Variants in SLC38A1 observed in about 807,000 individuals in gnomAD.
SLC38A1 encodes solute carrier family 38 member 1.
A neutral mutation model predicts 60.3 loss-of-function variants in SLC38A1; 18 were observed. The observed-to-expected ratio is 0.30, with a 90% CI of 0.21 to 0.44. The LOEUF is 0.44. Ranked by LOEUF, SLC38A1 falls within the 20% of genes least tolerant of loss-of-function variation. SLC38A1 has a pLI of 1.00. For synonymous variants in SLC38A1, 196 were observed against 212.1 expected (o/e 0.92, Z 0.66); for missense variants, 448 against 587.2 (o/e 0.76, Z 2.45).
chr12:46,250,037 AAG>A (rs1941779018), intron 1 of SLC38A1, among the ~76,000 whole-genome samples: 1 of 152,202 alleles, frequency 6.6e-6, no homozygotes, highest in South Asian at 2.1e-4. Flanking sequence ...ACAACAAAAA[AAG>A]AGAATTTTAG....
intron 5 of SLC38A1, among the ~76,000 whole-genome samples, chr12:46,219,315 G>T (rs778522613): frequency 1.3e-5 from 2 of 152,196 alleles, no homozygotes; most frequent in Non-Finnish European, 2.9e-5. Flanking sequence ...TGCAAAGGCA[G>T]TTTCAGTTTC....
intron 2 of SLC38A1, 108 bp from the exon 3 acceptor site, chr12:46,240,001 C>T (rs1941392174): frequency 1.9e-6 from 1 of 536,386 alleles, no homozygotes. Context: ...TACAATTTTA[C>T]ATGTTGCTAC....
chr12:46,207,396 G>T, intron 7 of SLC38A1, 133 bp downstream of exon 7: 1 of 1,058,794 alleles, frequency 9.4e-7, no homozygotes, highest in Non-Finnish European at 1.4e-6. Context: ...AGTGACTGCT[G>T]TCTCTGCTTT....
chr12:46,199,722 C>T (rs141968354), intron 13 of SLC38A1, among the ~76,000 whole-genome samples: 120 of 152,162 alleles, frequency 7.9e-4, no homozygotes, highest in African/African-American at 2.8e-3. Context: ...CAAAGACTAA[C>T]AAAGCTAGAA....
intron 5 of SLC38A1, among the ~76,000 whole-genome samples, chr12:46,216,352 G>A (rs1044031238): frequency 2.0e-5 from 3 of 152,196 alleles, no homozygotes; most frequent in Admixed American, 1.3e-4. Flanking sequence ...TAGTGTCGCC[G>A]TGTCTGTGTG....
intron 1 of SLC38A1, among the ~76,000 whole-genome samples, chr12:46,253,093 T>C (rs1003556251): frequency 1.3e-5 from 2 of 151,376 alleles, no homozygotes; most frequent in Admixed American, 6.6e-5. Context: ...GGTCAAAGGA[T>C]ATGAAGTTGC....
chr12:46,224,231 C>T (rs1592111412), intron 5 of SLC38A1, among the ~76,000 whole-genome samples: 1 of 152,140 alleles, frequency 6.6e-6, no homozygotes, highest in South Asian at 2.1e-4. Context: ...TGACTTGCAG[C>T]CTCAGGGTCC....
At chr12:46,191,741 G>A (rs183150426) in intron 16 of SLC38A1, among the ~76,000 whole-genome samples, 1 of 152,144 alleles carries the variant, frequency 6.6e-6, no homozygotes, top group African/African-American at 2.4e-5. Flanking sequence ...TCTATTATTG[G>A]TGTATAGGAA....
At chr12:46,219,545 A>G (rs1940566199) in intron 5 of SLC38A1, among the ~76,000 whole-genome samples, 1 of 152,206 alleles carries the variant, frequency 6.6e-6, no homozygotes, top group African/African-American at 2.4e-5. Flanking sequence ...CATGTGCCTG[A>G]CATAAGGTAA....
At chr12:46,197,229 C>A (rs532019543) in intron 16 of SLC38A1, 1 of 154,684 alleles carries the variant, frequency 6.5e-6, no homozygotes, top group African/African-American at 2.4e-5. Flanking sequence ...ATGGCTCATG[C>A]CTGTAATCCC....
intron 13 of SLC38A1, among the ~76,000 whole-genome samples, chr12:46,200,491 CT>C (rs1208396895): frequency 1.3e-5 from 2 of 151,788 alleles, no homozygotes; most frequent in Non-Finnish European, 1.5e-5. Flanking sequence ...TTAAATCAAG[CT>C]TCAGGATAAT....
In SLC38A1 at chr12:46,243,294, C is replaced by A. The variant is rs1049060559; in HGVS notation, c.-188G>T. Reference sequence around the variant, plus strand: ...GCACATAGATATAGTGCCTGGCACACAGTAGACACTCAATAAATATCTGTC... The same window carrying A: ...GCACATAGATATAGTGCCTGGCACAAAGTAGACACTCAATAAATATCTGTC... On this transcript the variant is annotated 5_prime_UTR_variant, in exon 2 of 17. Transcript: ENST00000398637. The A allele has an allele frequency of 5.9e-5, 9 of 151,966 alleles. No homozygotes were observed. The East Asian group carries it at 1.7e-3, about 29-fold the overall frequency. 9.4% of individuals were successfully genotyped at this position (151,966 alleles called of 1,614,324 possible). A position where few individuals can be genotyped will look rare whatever the true frequency, so the allele number is the denominator to read the frequency against.
chr12:46,193,086 T>C (rs905726360), intron 16 of SLC38A1, among the ~76,000 whole-genome samples: 1 of 152,236 alleles, frequency 6.6e-6, no homozygotes, highest in African/African-American at 2.4e-5. Context: ...TAAATTTCCC[T>C]GTACACACTG....
chr12:46,197,225 C>T (rs1397577298), intron 16 of SLC38A1, among the ~76,000 whole-genome samples: 1 of 152,152 alleles, frequency 6.6e-6, no homozygotes, highest in African/African-American at 2.4e-5. Flanking sequence ...CGCGATGGCT[C>T]ATGCCTGTAA....
At chr12:46,227,612 C>A (rs1177002994) in intron 5 of SLC38A1, among the ~76,000 whole-genome samples, 1 of 152,100 alleles carries the variant, frequency 6.6e-6, no homozygotes, top group Non-Finnish European at 1.5e-5. Flanking sequence ...ACTTTTTACA[C>A]TAGGTTAATT....
chr12:46,252,996 G>T (rs200535242), intron 1 of SLC38A1, among the ~76,000 whole-genome samples: 2 of 107,202 alleles, frequency 1.9e-5, no homozygotes, highest in African/African-American at 3.6e-5. Context: ...ATCTTTTTTT[G>T]AAAAAAAAAA....
chr12:46,214,083 T>G (rs1282271720), intron 5 of SLC38A1, among the ~76,000 whole-genome samples: 1 of 152,276 alleles, frequency 6.6e-6, no homozygotes, highest in African/African-American at 2.4e-5. Context: ...CAGAGTAATC[T>G]TTTCTGCAGT....
rs142904603 is a variant in SLC38A1 at position 46,191,881 on chromosome 12, G to A, written c.1363-2810C>T. 1.4e-3 allele frequency among the ~76,000 whole-genome samples: 218 copies of A among 152,288 alleles called. 3 individuals carry two copies. The highest frequency in any genetic ancestry group is 5.0e-3 in the African/African-American group (207 of 41,576). ...CAATCAGGGATCATCTGCAAACAGAGACAATTTGACTTCCTCCTCTCCTAA... is the reference window on the plus strand; with the variant it reads ...CAATCAGGGATCATCTGCAAACAGAAACAATTTGACTTCCTCCTCTCCTAA... On this transcript the variant is annotated intron_variant, in intron 16 of 16. Coordinates refer to ENST00000398637, the MANE Select transcript of SLC38A1 (RefSeq NM_030674.4).
intron 2 of SLC38A1, among the ~76,000 whole-genome samples, chr12:46,240,422 C>T (rs1030982442): frequency 6.6e-6 from 1 of 152,240 alleles, no homozygotes; most frequent in African/African-American, 2.4e-5. Flanking sequence ...TCTCAAACTA[C>T]TGACCTCAGG....
Sources: gnomAD v4.1 joint callset for allele counts (sites outside exome capture counted in the v4.1 genomes callset) on GRCh38, gnomAD v4.1.1 for gene constraint, MANE v1.5 for transcripts, NCBI Gene and HGNC (gene_info 2026-07-23, HGNC 2026-07-21) for gene names.